RBFOX1: variants seen among roughly 807,000 people sequenced by gnomAD.
RBFOX1 encodes RNA binding protein fox-1 homolog 1.
In RBFOX1, 8 loss-of-function variants were observed where a neutral mutation model predicts 57.7. That is an observed-to-expected ratio of 0.14 (90% CI 0.08 to 0.25). RBFOX1 has a LOEUF of 0.25. RBFOX1 is among the 10% of genes least tolerant of loss of function. The pLI, the probability that RBFOX1 is intolerant of heterozygous loss-of-function variation, is 1.00. For missense variants in RBFOX1, 611 were observed against 548.5 expected (o/e 1.11, Z -1.14); for synonymous variants, 326 against 222.4 (o/e 1.47, Z -4.15).
At chr16:5,331,369 A>G (rs1458182216) in intron 1 of RBFOX1, among the ~76,000 whole-genome samples, 2 of 152,194 alleles carry the variant, frequency 1.3e-5, no homozygotes, top group African/African-American at 4.8e-5. Context: ...GTTCTCTTGG[A>G]TTGTGTATCA....
intron 4 of RBFOX1, among the ~76,000 whole-genome samples, chr16:7,148,412 A>C (rs1156279742): frequency 6.6e-6 from 1 of 152,124 alleles, no homozygotes; most frequent in Non-Finnish European, 1.5e-5. Flanking sequence ...TTGAATTTTC[A>C]CCTCATCTTA....
At chr16:7,693,185 C>A (rs1219593423) in intron 14 of RBFOX1, 142 of 710,692 alleles carry the variant, frequency 2.0e-4, no homozygotes, top group Non-Finnish European at 7.4e-5. Flanking sequence ...GGTACATCAG[C>A]ACATTTCCTC....
chr16:5,677,480 G>C (rs2050202900), intron 3 of RBFOX1, among the ~76,000 whole-genome samples: 3 of 152,188 alleles, frequency 2.0e-5, no homozygotes, highest in Admixed American at 2.0e-4. Context: ...GATTAGGAGT[G>C]AAGGATAGAC....
At chr16:7,209,955 T>A (rs990377114) in intron 4 of RBFOX1, among the ~76,000 whole-genome samples, 1 of 152,134 alleles carries the variant, frequency 6.6e-6, no homozygotes, top group African/African-American at 2.4e-5. Context: ...AATGAAAGCT[T>A]TTAAGCCCCA....
intron 1 of RBFOX1, among the ~76,000 whole-genome samples, chr16:5,374,674 A>G (rs539836562): frequency 2.5e-4 from 38 of 151,200 alleles, no homozygotes; most frequent in Admixed American, 3.9e-4. Context: ...CACAGAGGTG[A>G]TCAGAGCTGG....
At position 6,713,294 on chromosome 16, in the gene RBFOX1, C is replaced by T. The variant is rs149384249; in HGVS notation, c.-16+58644C>T. 7.8e-4 allele frequency among the ~76,000 whole-genome samples: 119 copies of T among 152,156 alleles called. 4 individuals are homozygous for T. In the East Asian group the frequency reaches 0.02, roughly 25 times the overall value. On this transcript the variant is annotated intron_variant, in intron 3 of 15. Coordinates refer to ENST00000550418, the MANE Select transcript of RBFOX1 (RefSeq NM_018723.4). ...TGTTTGTTTGTGTAATAATAACAGT[C>T]CCCCATTGCTCACAGGATAGTCTCA...
chr16:6,366,085 A>ATGTGTGTGTG (rs71145219), intron 2 of RBFOX1, among the ~76,000 whole-genome samples: 164 of 144,412 alleles, frequency 1.1e-3, no homozygotes, highest in African/African-American at 3.8e-3. Flanking sequence ...TGGCCATTCT[A>ATGTGTGTGTG]TGTGTGTGTG....
chr16:7,657,448 G>A (rs529584803), intron 12 of RBFOX1, among the ~76,000 whole-genome samples: 138 of 152,264 alleles, frequency 9.1e-4, no homozygotes, highest in Non-Finnish European at 1.8e-3. Flanking sequence ...GGGATTACAG[G>A]TGCCCGCCAC....
intron 3 of RBFOX1, among the ~76,000 whole-genome samples, chr16:5,844,376 G>T (rs2056698350): frequency 6.6e-6 from 1 of 152,162 alleles, no homozygotes; most frequent in Admixed American, 6.5e-5. Context: ...CTGGAATAAA[G>T]TCTCCCATCC....
intron 2 of RBFOX1, among the ~76,000 whole-genome samples, chr16:6,625,479 C>A (rs915532651): frequency 6.6e-6 from 1 of 152,108 alleles, no homozygotes; most frequent in African/African-American, 2.4e-5. Flanking sequence ...AGTCCAAGCT[C>A]CTTTCCTTTT....
At chr16:7,547,470 C>A (rs1050507537) in intron 5 of RBFOX1, among the ~76,000 whole-genome samples, 4 of 152,172 alleles carry the variant, frequency 2.6e-5, no homozygotes, top group Non-Finnish European at 5.9e-5. Context: ...AGAAAATGAT[C>A]ATCTGACTGG....
intron 1 of RBFOX1, among the ~76,000 whole-genome samples, chr16:5,272,880 T>G (rs1159102918): frequency 6.6e-6 from 1 of 152,202 alleles, no homozygotes. Context: ...GACTGCAAGG[T>G]GCTTGAGATG....
intron 2 of RBFOX1, among the ~76,000 whole-genome samples, chr16:6,531,730 T>A (rs2096660746): frequency 6.6e-6 from 1 of 152,050 alleles, no homozygotes; most frequent in Non-Finnish European, 1.5e-5. Flanking sequence ...TTAATGGAGA[T>A]TTATAACATC....
At chr16:5,676,169 G>C (rs1199218845) in intron 3 of RBFOX1, among the ~76,000 whole-genome samples, 1 of 151,932 alleles carries the variant, frequency 6.6e-6, no homozygotes, top group Non-Finnish European at 1.5e-5. Context: ...ATGATGGGTT[G>C]ATAGGTGTAG....
At chr16:7,357,035 G>A (rs2097227611) in intron 4 of RBFOX1, among the ~76,000 whole-genome samples, 1 of 152,138 alleles carries the variant, frequency 6.6e-6, no homozygotes, top group Non-Finnish European at 1.5e-5. Flanking sequence ...TTGGGCTCAG[G>A]AATCCAGGGA....
At position 5,336,528 on chromosome 16, in the gene RBFOX1, A is replaced by G. The variant is rs529324382; in HGVS notation, c.219+96423A>G. 6.6e-5 allele frequency among the ~76,000 whole-genome samples: 10 copies of G among 152,268 alleles called. No homozygotes were observed. In the South Asian group the frequency reaches 2.1e-3, roughly 32 times the overall value. ...TATCTGTGTGTGGATGAGCCGTCCT[A>G]GGTATGGTCAGACCTGTGGACAACT... is the stretch of plus-strand genomic sequence containing the variant. On this transcript the variant is annotated intron_variant, in intron 1 of 2. Coordinates refer to the RBFOX1 transcript ENST00000585867.
intron 1 of RBFOX1, among the ~76,000 whole-genome samples, chr16:5,350,664 G>C (rs906414437): frequency 7.9e-5 from 12 of 152,128 alleles, no homozygotes; most frequent in African/African-American, 2.9e-4. Context: ...TCAGAAGTTT[G>C]AGACCAGCCT....
chr16:7,035,936 A>C (rs992092024), intron 3 of RBFOX1, among the ~76,000 whole-genome samples: 6 of 152,064 alleles, frequency 3.9e-5, no homozygotes, highest in Admixed American at 1.3e-4. Context: ...CACCCAGCCA[A>C]CCCTTTCAGA....
intron 1 of RBFOX1, among the ~76,000 whole-genome samples, chr16:5,352,714 G>C (rs1028433055): frequency 3.9e-5 from 6 of 152,290 alleles, no homozygotes; most frequent in African/African-American, 4.8e-5. Context: ...AGGCCAAGGT[G>C]GGGGGATTGC....
Sources: allele counts gnomAD v4.1 joint callset (sites outside exome capture counted in the v4.1 genomes callset), GRCh38; gene constraint gnomAD v4.1.1; transcripts MANE v1.5; gene names NCBI Gene and HGNC (gene_info 2026-07-23, HGNC 2026-07-21).